STXBP6: variants seen among roughly 807,000 people sequenced by gnomAD.
STXBP6 encodes the protein syntaxin-binding protein 6.
Under a neutral mutation model 26.9 loss-of-function variants are expected in STXBP6, and 21 were observed. The ratio of observed to expected loss-of-function variants is 0.78; its 90% CI spans 0.55 to 1.12. The LOEUF is 1.12. STXBP6 is among the 50% of genes most tolerant of loss of function. The pLI is 0.00. For synonymous variants in STXBP6, 97 were observed against 92.6 expected (o/e 1.05, Z -0.27); for missense variants, 232 against 257.9 (o/e 0.90, Z 0.69).
intron 2 of STXBP6, among the ~76,000 whole-genome samples, chr14:24,922,460 A>G (rs1195812875): frequency 1.3e-5 from 2 of 152,126 alleles, no homozygotes; most frequent in African/African-American, 2.4e-5. Context: ...GCAGAGCCCA[A>G]GGGTATATCT....
intron 1 of STXBP6, among the ~76,000 whole-genome samples, chr14:25,024,299 ACT>A (rs1418888441): frequency 6.6e-6 from 1 of 151,026 alleles, no homozygotes; most frequent in Non-Finnish European, 1.5e-5. Flanking sequence ...ACAGAGTGAG[ACT>A]CTGACTCAAA....
chr14:24,820,621 A>G (rs554548787), intron 4 of STXBP6, among the ~76,000 whole-genome samples: 1 of 152,288 alleles, frequency 6.6e-6, no homozygotes, highest in African/African-American at 2.4e-5. Flanking sequence ...AGGAGGAGAA[A>G]TCTTGGTCCC....
chr14:24,820,424 C>T (rs1402074669), intron 4 of STXBP6, among the ~76,000 whole-genome samples: 1 of 152,118 alleles, frequency 6.6e-6, no homozygotes, highest in Non-Finnish European at 1.5e-5. Flanking sequence ...TGGTGGATTT[C>T]AAGGGATTCA....
rs187441961 is a variant in STXBP6, at chr14:24,830,567, G to A, written c.452-11373C>T. Among the ~76,000 whole-genome samples, 102 of 152,294 alleles carry A rather than the reference G, an allele frequency of 6.7e-4. 1 individual carries two copies. The highest frequency in any genetic ancestry group is 1.0e-4 in the Non-Finnish European group (7 of 68,026). On this transcript the variant is annotated intron_variant, in intron 4 of 5. Coordinates refer to ENST00000323944, the MANE Select transcript of STXBP6 (RefSeq NM_001394410.1). ...GGCTGTCAGAAAAACAAATTTTCTT[G>A]GAGGGTGAACAGATATGAGAATCAA...
intron 2 of STXBP6, among the ~76,000 whole-genome samples, chr14:24,945,979 G>A (rs1435942605): frequency 6.6e-6 from 1 of 152,152 alleles, no homozygotes; most frequent in Admixed American, 6.5e-5. Context: ...ATCTGAAAAC[G>A]TTTATGCTAA....
intron 1 of STXBP6, among the ~76,000 whole-genome samples, chr14:25,025,144 C>T (rs569219744): frequency 6.6e-6 from 1 of 151,964 alleles, no homozygotes; most frequent in South Asian, 2.1e-4. Context: ...TTGAATAAGA[C>T]AGATAGGCTT....
At chr14:24,987,863 G>C (rs895843483) in intron 1 of STXBP6, 13 of 985,410 alleles carry the variant, frequency 1.3e-5, no homozygotes, top group Non-Finnish European at 1.6e-5. Context: ...GCAGAGCAAA[G>C]CTGGAATAAG....
intron 4 of STXBP6, among the ~76,000 whole-genome samples, chr14:24,849,016 TG>T (rs2069056369): frequency 6.6e-6 from 1 of 152,130 alleles, no homozygotes; most frequent in South Asian, 2.1e-4. Context: ...GTTACTTTGA[TG>T]GGTCACATAG....
chr14:24,996,982 G>C (rs561346944), intron 1 of STXBP6, among the ~76,000 whole-genome samples: 38 of 152,032 alleles, frequency 2.5e-4, no homozygotes, highest in African/African-American at 7.7e-4. Flanking sequence ...ACCCTTCCTG[G>C]GAAATGACAG....
chr14:24,967,780 T>C (rs2140159245), intron 2 of STXBP6, among the ~76,000 whole-genome samples: 1 of 152,316 alleles, frequency 6.6e-6, no homozygotes, highest in South Asian at 2.1e-4. Context: ...AGAATGACAC[T>C]GTGGAGGCCA....
intron 2 of STXBP6, among the ~76,000 whole-genome samples, chr14:24,877,334 A>C (rs1306263309): frequency 6.6e-6 from 1 of 152,148 alleles, no homozygotes; most frequent in Admixed American, 6.5e-5. Flanking sequence ...ATTTTCACAC[A>C]ATCAAAAAAT....
At chr14:24,874,879 G>C (rs746592416) in intron 2 of STXBP6, among the ~76,000 whole-genome samples, 1 of 152,100 alleles carries the variant, frequency 6.6e-6, no homozygotes, top group Admixed American at 6.5e-5. Flanking sequence ...CCTGTGAGTG[G>C]GAACACGCTC....
chr14:24,892,416 C>A (rs1230141826), intron 2 of STXBP6, among the ~76,000 whole-genome samples: 9 of 151,960 alleles, frequency 5.9e-5, no homozygotes, highest in Non-Finnish European at 1.3e-4. Context: ...TCAGAGGTTG[C>A]CAGAGGACTT....
chr14:25,039,862 A>G (rs1049429319), intron 1 of STXBP6, among the ~76,000 whole-genome samples: 1 of 151,924 alleles, frequency 6.6e-6, no homozygotes, highest in Non-Finnish European at 1.5e-5. Flanking sequence ...GCCTGCCACC[A>G]TGCCCGGCTA....
chr14:24,960,644 A>C (rs2073502134), intron 2 of STXBP6, among the ~76,000 whole-genome samples: 1 of 152,160 alleles, frequency 6.6e-6, no homozygotes, highest in South Asian at 2.1e-4. Flanking sequence ...ATGGGTCCCC[A>C]AGTCTAGGAA....
At chr14:24,915,061 G>A (rs1034429434) in intron 2 of STXBP6, among the ~76,000 whole-genome samples, 7 of 152,046 alleles carry the variant, frequency 4.6e-5, no homozygotes, top group Non-Finnish European at 7.4e-5. Context: ...CACAGATGAG[G>A]ACAATTTGTC....
intron 5 of STXBP6, among the ~76,000 whole-genome samples, chr14:24,815,432 TA>T (rs908882101): frequency 1.3e-5 from 2 of 150,672 alleles, no homozygotes; most frequent in Admixed American, 1.3e-4. Flanking sequence ...TGATAAATAA[TA>T]AAATCATGTA....
intron 1 of STXBP6, among the ~76,000 whole-genome samples, chr14:25,005,522 T>C (rs917914610): frequency 3.9e-5 from 6 of 152,182 alleles, no homozygotes; most frequent in Admixed American, 2.6e-4. Flanking sequence ...GATCAAGAAA[T>C]TGTATCCTTC....
At chr14:24,867,657 A>C (rs746767261) in intron 2 of STXBP6, among the ~76,000 whole-genome samples, 5 of 146,508 alleles carry the variant, frequency 3.4e-5, no homozygotes, top group South Asian at 2.7e-4. Context: ...ACTATACACA[A>C]AAAAAATAAA....
Sources: allele counts gnomAD v4.1 joint callset (sites outside exome capture counted in the v4.1 genomes callset), GRCh38; gene constraint gnomAD v4.1.1; transcripts MANE v1.5; gene names NCBI Gene and HGNC (gene_info 2026-07-23, HGNC 2026-07-21).